CSMD1: variants seen among roughly 807,000 people sequenced by gnomAD.
The protein encoded by CSMD1 is CUB and Sushi multiple domains 1.
In CSMD1, 213 loss-of-function variants were observed where a neutral mutation model predicts 417.5. That is an observed-to-expected ratio of 0.51 (90% confidence interval 0.46 to 0.57). CSMD1 has a LOEUF of 0.57. Ranked by LOEUF, CSMD1 falls within the 20% of genes least tolerant of loss-of-function variation. The probability of loss-of-function intolerance (pLI) is 0.00; values close to 1 mark genes in which losing one functional copy is unlikely to be tolerated. For synonymous variants in CSMD1, 2,862 were observed against 1,736.8 expected, an observed-to-expected ratio of 1.65 and a Z score of -16.11; for missense variants, 6,923 against 4,529.7, an observed-to-expected ratio of 1.53 and a Z score of -15.17.
At chr8:4,737,773 T>A (rs557699579) in intron 1 of CSMD1, among the ~76,000 whole-genome samples, 1 of 152,106 alleles carries the variant, frequency 6.6e-6, no homozygotes, top group African/African-American at 2.4e-5. Flanking sequence ...AGAGAAGACA[T>A]AGAAACAAAT....
chr8:3,594,431 G>C (rs1040588129), intron 8 of CSMD1, among the ~76,000 whole-genome samples: 1 of 151,964 alleles, frequency 6.6e-6, no homozygotes, highest in African/African-American at 2.4e-5. Context: ...TCCAAAATGA[G>C]TATATGTGTT....
chr8:4,949,325 C>G (rs140111133), intron 1 of CSMD1, among the ~76,000 whole-genome samples: 1 of 152,052 alleles, frequency 6.6e-6, no homozygotes, highest in Non-Finnish European at 1.5e-5. Flanking sequence ...GTTATTTTGG[C>G]CTCATTAACT....
chr8:3,853,836 T>A (rs976455801), intron 5 of CSMD1, among the ~76,000 whole-genome samples: 2 of 150,042 alleles, frequency 1.3e-5, no homozygotes, highest in African/African-American at 4.9e-5. Context: ...AACCTGCACA[T>A]TGTGCACATG....
intron 25 of CSMD1, among the ~76,000 whole-genome samples, chr8:3,286,271 G>A (rs534604176): frequency 1.0e-3 from 158 of 152,088 alleles, no homozygotes; most frequent in Non-Finnish European, 1.7e-3. Flanking sequence ...ATTGTGAATA[G>A]TGCCGCTATA....
chr8:4,216,717 G>T (rs369965838), intron 3 of CSMD1, among the ~76,000 whole-genome samples: 1 of 152,122 alleles, frequency 6.6e-6, no homozygotes, highest in Non-Finnish European at 1.5e-5. Context: ...GGAGGAGGGG[G>T]TATAAACGAA....
intron 37 of CSMD1, among the ~76,000 whole-genome samples, chr8:3,164,405 G>A (rs1408248716): frequency 6.6e-6 from 1 of 152,112 alleles, no homozygotes; most frequent in Non-Finnish European, 1.5e-5. Context: ...AGCCATTGGG[G>A]CTTTACATAG....
intron 23 of CSMD1, among the ~76,000 whole-genome samples, chr8:3,310,373 T>C (rs1805233386): frequency 1.3e-5 from 2 of 152,232 alleles, no homozygotes; most frequent in African/African-American, 4.8e-5. Flanking sequence ...TGACAGCATC[T>C]GAACAAGTCT....
chr8:3,553,221 A>G (rs1226833189), intron 10 of CSMD1, among the ~76,000 whole-genome samples: 2 of 152,206 alleles, frequency 1.3e-5, no homozygotes, highest in African/African-American at 4.8e-5. Context: ...ATTTATGAGA[A>G]GATACCTAGG....
intron 3 of CSMD1, among the ~76,000 whole-genome samples, chr8:4,325,737 G>A (rs554761979): frequency 6.6e-6 from 1 of 152,212 alleles, no homozygotes; most frequent in African/African-American, 2.4e-5. Context: ...ACACTGAGAA[G>A]GCGTGAATGT....
chr8:3,319,162 A>C (rs982035872), intron 23 of CSMD1, among the ~76,000 whole-genome samples: 5 of 152,336 alleles, frequency 3.3e-5, no homozygotes, highest in African/African-American at 1.2e-4. Flanking sequence ...TTTTAAAAAA[A>C]ATCTAGGAAT....
At chr8:4,755,572 A>G (rs1256650842) in intron 1 of CSMD1, among the ~76,000 whole-genome samples, 4 of 152,002 alleles carry the variant, frequency 2.6e-5, no homozygotes, top group Non-Finnish European at 4.4e-5. Context: ...TAATTTTTTG[A>G]TGTTCTACTG....
chr8:4,758,283 C>A (rs1003020297), intron 1 of CSMD1, among the ~76,000 whole-genome samples: 2 of 152,110 alleles, frequency 1.3e-5, no homozygotes, highest in Non-Finnish European at 2.9e-5. Context: ...AGCTGTTTCC[C>A]AACGTTGCCT....
chr8:3,723,165 G>A (rs1431332253), intron 6 of CSMD1, among the ~76,000 whole-genome samples: 1 of 152,096 alleles, frequency 6.6e-6, no homozygotes, highest in African/African-American at 2.4e-5. Flanking sequence ...CTTCTTGCTG[G>A]CTAATGAAGG....
intron 7 of CSMD1, among the ~76,000 whole-genome samples, chr8:3,663,229 G>A (rs1052291020): frequency 6.6e-6 from 1 of 152,138 alleles, no homozygotes; most frequent in Non-Finnish European, 1.5e-5. Context: ...TAAACAAAGA[G>A]TTGAAGAGGC....
intron 2 of CSMD1, among the ~76,000 whole-genome samples, chr8:4,524,569 C>CT (rs35453060): frequency 0.58 from 67,859 of 117,840 alleles, 19,618 homozygotes; most frequent in East Asian, 0.72. Flanking sequence ...CACACTTGGT[C>CT]TTTTTTTTTT....
chr8:4,814,142 C>T (rs778832784), intron 1 of CSMD1, among the ~76,000 whole-genome samples: 3 of 152,138 alleles, frequency 2.0e-5, no homozygotes, highest in East Asian at 1.9e-4. Context: ...GAATATATAA[C>T]GAATTCCGTG....
intron 3 of CSMD1, among the ~76,000 whole-genome samples, chr8:4,206,228 G>C (rs1232107362): frequency 1.3e-5 from 2 of 152,088 alleles, no homozygotes; most frequent in Admixed American, 6.6e-5. Context: ...AAGTTCTAGA[G>C]TACATGTGCA....
chr8:2,970,019 G>T (rs532072292), intron 57 of CSMD1, among the ~76,000 whole-genome samples: 2 of 152,242 alleles, frequency 1.3e-5, no homozygotes, highest in East Asian at 1.9e-4. Context: ...TGTGTATGCA[G>T]CTTTTAAGGG....
chr8:4,800,956 G>T (rs1406035656), intron 1 of CSMD1, among the ~76,000 whole-genome samples: 1 of 152,188 alleles, frequency 6.6e-6, no homozygotes, highest in African/African-American at 2.4e-5. Context: ...TTTTTTAAAA[G>T]CAGACTTCTT....
Sources: gnomAD v4.1 joint callset for allele counts (sites outside exome capture counted in the v4.1 genomes callset) on GRCh38, gnomAD v4.1.1 for gene constraint, MANE v1.5 for transcripts, NCBI Gene and HGNC (gene_info 2026-07-23, HGNC 2026-07-21) for gene names.